LRP1B: variants seen among roughly 807,000 people sequenced by gnomAD.
The protein encoded by LRP1B is LDL receptor related protein 1B.
In LRP1B, 217 loss-of-function variants were observed where a neutral mutation model predicts 556.6. The observed-to-expected ratio is 0.39, with a 90% CI of 0.35 to 0.44. LRP1B has a LOEUF of 0.44. Ranked by LOEUF, LRP1B falls within the 20% of genes least tolerant of loss-of-function variation. The probability of loss-of-function intolerance (pLI) is 1.00; values close to 1 mark genes in which losing one functional copy is unlikely to be tolerated. For synonymous variants in LRP1B, 2,047 were observed against 1,865.8 expected (o/e 1.10, Z -2.50); for missense variants, 5,053 against 5,620.8 (o/e 0.90, Z 3.23).
chr2:141,943,120 T>C (rs1254129213), intron 1 of LRP1B, among the ~76,000 whole-genome samples: 1 of 152,220 alleles, frequency 6.6e-6, no homozygotes, highest in Non-Finnish European at 1.5e-5. Context: ...TGAAAATAAG[T>C]AGCTAAGAGA....
intron 2 of LRP1B, among the ~76,000 whole-genome samples, chr2:141,680,970 C>A (rs1313192883): frequency 2.0e-5 from 3 of 152,014 alleles, no homozygotes; most frequent in Non-Finnish European, 2.9e-5. Flanking sequence ...ACTCAGTTAT[C>A]TAAGACAAAT....
intron 3 of LRP1B, among the ~76,000 whole-genome samples, chr2:141,275,121 A>G (rs976649839): frequency 6.6e-6 from 1 of 152,218 alleles, no homozygotes; most frequent in Non-Finnish European, 1.5e-5. Flanking sequence ...GATAACACCC[A>G]TGCAACCAGT....
Position 141,868,510 on chromosome 2 carries a change from C to G in LRP1B, c.83-58109G>C, listed in dbSNP as rs556235217. Among the ~76,000 whole-genome samples the G allele has an allele frequency of 4.6e-5, 7 of 152,186 alleles. No individual in the cohort carries two copies. In the East Asian group the frequency reaches 5.8e-4, roughly 13 times the overall value. ...CTGTCATTTTTGCCCATTGCGGTAA[C>G]AGACAACAGAAACTTAATGATTTAT... On this transcript the variant is annotated intron_variant, in intron 1 of 90. Coordinates refer to ENST00000389484, the MANE Select transcript of LRP1B (RefSeq NM_018557.3).
chr2:141,387,041 TA>T (rs1689857230), intron 3 of LRP1B, among the ~76,000 whole-genome samples: 1 of 151,870 alleles, frequency 6.6e-6, no homozygotes, highest in Non-Finnish European at 1.5e-5. Flanking sequence ...TAGAAATTAA[TA>T]AAAGATAAAC....
intron 35 of LRP1B, among the ~76,000 whole-genome samples, chr2:140,727,925 T>C (rs1182158497): frequency 6.6e-6 from 1 of 152,190 alleles, no homozygotes; most frequent in Non-Finnish European, 1.5e-5. Context: ...CAAATGCTAA[T>C]GGACAATTTT....
chr2:140,996,485 C>T (rs2105362480), intron 15 of LRP1B, among the ~76,000 whole-genome samples: 1 of 152,110 alleles, frequency 6.6e-6, no homozygotes, highest in South Asian at 2.1e-4. Context: ...TTAATTTTTA[C>T]AAATTATGGT....
At chr2:141,227,487 CATA>C (rs143393147) in intron 6 of LRP1B, among the ~76,000 whole-genome samples, 3,742 of 152,216 alleles carry the variant, frequency 0.025, 69 homozygotes, top group South Asian at 0.035. Flanking sequence ...ACATAAATTA[CATA>C]ATAAGGATTA....
At chr2:141,179,429 C>T (rs1365140763) in intron 7 of LRP1B, among the ~76,000 whole-genome samples, 1 of 152,014 alleles carries the variant, frequency 6.6e-6, no homozygotes, top group Non-Finnish European at 1.5e-5. Flanking sequence ...TTGTGGACAA[C>T]ATTACCATGG....
At chr2:141,344,491 T>C (rs1430066243) in intron 3 of LRP1B, among the ~76,000 whole-genome samples, 1 of 152,300 alleles carries the variant, frequency 6.6e-6, no homozygotes, top group African/African-American at 2.4e-5. Flanking sequence ...AATCACCTGG[T>C]TGGCTCTTCA....
chr2:140,429,818 C>G (rs566862092), intron 66 of LRP1B, among the ~76,000 whole-genome samples: 2 of 152,238 alleles, frequency 1.3e-5, no homozygotes, highest in South Asian at 4.1e-4. Flanking sequence ...TTTTGGACAC[C>G]CTCAAAATCA....
chr2:141,844,371 T>G (rs1466961623), intron 1 of LRP1B, among the ~76,000 whole-genome samples: 1 of 152,118 alleles, frequency 6.6e-6, no homozygotes, highest in Admixed American at 6.6e-5. Context: ...ACAGTATTAG[T>G]AACTTTGTTA....
At chr2:140,600,278 G>T (rs540614391) in intron 42 of LRP1B, among the ~76,000 whole-genome samples, 1 of 152,050 alleles carries the variant, frequency 6.6e-6, no homozygotes, top group Admixed American at 6.6e-5. Flanking sequence ...ATGTGTTGGG[G>T]TAAATGCAGC....
chr2:141,647,394 A>G (rs1196331174), intron 2 of LRP1B, among the ~76,000 whole-genome samples: 1 of 152,144 alleles, frequency 6.6e-6, no homozygotes, highest in East Asian at 1.9e-4. Flanking sequence ...CTATTGTTTA[A>G]GTCACTGAGT....
chr2:140,656,998 A>T (rs1237297554), intron 41 of LRP1B, among the ~76,000 whole-genome samples: 1 of 152,116 alleles, frequency 6.6e-6, no homozygotes, highest in Non-Finnish European at 1.5e-5. Flanking sequence ...AAAAGTGGTC[A>T]TATTTTCCTT....
At chr2:141,853,634 G>A (rs1036483783) in intron 1 of LRP1B, among the ~76,000 whole-genome samples, 3 of 151,646 alleles carry the variant, frequency 2.0e-5, no homozygotes, top group Non-Finnish European at 4.4e-5. Flanking sequence ...TCATATTTAA[G>A]CTTAAGTTTT....
At chr2:140,618,251 G>T (rs1683326870) in intron 41 of LRP1B, among the ~76,000 whole-genome samples, 1 of 151,810 alleles carries the variant, frequency 6.6e-6, no homozygotes, top group Admixed American at 6.6e-5. Context: ...AATAATAAAA[G>T]AAGGTTTTAT....
At chr2:140,263,195 A>G (rs1051019604) in intron 86 of LRP1B, among the ~76,000 whole-genome samples, 2 of 152,162 alleles carry the variant, frequency 1.3e-5, no homozygotes, top group East Asian at 3.9e-4. Flanking sequence ...CTGGGGTTAC[A>G]GGCATGAGCC....
At chr2:140,351,368 T>C (rs1011446496) in intron 76 of LRP1B, among the ~76,000 whole-genome samples, 4 of 152,034 alleles carry the variant, frequency 2.6e-5, no homozygotes, top group Admixed American at 6.6e-5. Context: ...CAATTGTCAA[T>C]ATCCAAGTAC....
chr2:140,788,287 C>T (rs772455876), intron 32 of LRP1B, among the ~76,000 whole-genome samples: 29 of 152,212 alleles, frequency 1.9e-4, no homozygotes, highest in Admixed American at 8.5e-4. Flanking sequence ...ATAAATAACT[C>T]GGAAAAATAT....
Sources: gnomAD v4.1 joint callset for allele counts (sites outside exome capture counted in the v4.1 genomes callset) on GRCh38, gnomAD v4.1.1 for gene constraint, MANE v1.5 for transcripts, NCBI Gene and HGNC (gene_info 2026-07-23, HGNC 2026-07-21) for gene names.